The following ZMYM4 variants were observed in gnomAD, a reference collection of about 807,000 sequenced individuals.
The protein encoded by ZMYM4 is zinc finger MYM-type containing 4.
In ZMYM4, 31 loss-of-function variants were observed where a neutral mutation model predicts 183.2. The ratio of observed to expected loss-of-function variants is 0.17; its 90% CI spans 0.13 to 0.23. The LOEUF is 0.23. ZMYM4 is among the 10% of genes least tolerant of loss of function. The pLI, the probability that ZMYM4 is intolerant of heterozygous loss-of-function variation, is 1.00. For missense variants in ZMYM4, 1,273 were observed against 1,840.3 expected, an observed-to-expected ratio of 0.69 and a Z score of 5.64; for synonymous variants, 592 against 631.2, an observed-to-expected ratio of 0.94 and a Z score of 0.93.
Position 35,412,269 on chromosome 1 carries a change from G to C in ZMYM4, c.3949-1703G>C, listed in dbSNP as rs1271689894. On this transcript the variant is annotated intron_variant, in intron 26 of 29. Transcript: ENST00000314607. Reference sequence around the variant, plus strand: ...TTGCTTATATGCTGCAACTTGGCTGGATTCACTTATTAGCTCTAATAATTC... The same window carrying C: ...TTGCTTATATGCTGCAACTTGGCTGCATTCACTTATTAGCTCTAATAATTC... Among the ~76,000 whole-genome samples the C allele has an allele frequency of 2.0e-5, 3 of 152,060 alleles. No homozygotes were observed. The East Asian group carries it at 5.8e-4, about 29-fold the overall frequency.
At chr1:35,352,256 C>T (rs756602915) in intron 2 of ZMYM4, among the ~76,000 whole-genome samples, 12 of 97,678 alleles carry the variant, frequency 1.2e-4, no homozygotes, top group African/African-American at 2.2e-4. Flanking sequence ...AAAATTAGCG[C>T]GCACGCGCGC....
chr1:35,334,018 A>G (rs996121867), intron 2 of ZMYM4, among the ~76,000 whole-genome samples: 5 of 151,218 alleles, frequency 3.3e-5, no homozygotes, highest in Non-Finnish European at 7.4e-5. Flanking sequence ...GATTCCAAAG[A>G]GTAAGGATTC....
intron 18 of ZMYM4, among the ~76,000 whole-genome samples, chr1:35,395,645 C>T (rs935413328): frequency 6.6e-6 from 1 of 152,128 alleles, no homozygotes; most frequent in Non-Finnish European, 1.5e-5. Context: ...GTCAGAAATG[C>T]ATTTAATATG....
At chr1:35,353,026 A>G (rs1400568458) in intron 2 of ZMYM4, among the ~76,000 whole-genome samples, 1 of 152,164 alleles carries the variant, frequency 6.6e-6, no homozygotes, top group African/African-American at 2.4e-5. Flanking sequence ...TCCCAAAACC[A>G]AATTATTCAT....
At chr1:35,286,684 G>A (rs1221882079) in intron 1 of ZMYM4, among the ~76,000 whole-genome samples, 1 of 143,754 alleles carries the variant, frequency 7.0e-6, no homozygotes, top group East Asian at 2.0e-4. Flanking sequence ...CTGAAGGCTT[G>A]ACCTCCTGGG....
intron 1 of ZMYM4, among the ~76,000 whole-genome samples, chr1:35,277,747 G>A (rs1639944125): frequency 6.6e-6 from 1 of 152,010 alleles, no homozygotes; most frequent in Non-Finnish European, 1.5e-5. Context: ...GAAAAAGCAG[G>A]ATAAATGCTT....
At position 35,282,044 on chromosome 1, in the gene ZMYM4, CCATT is replaced by C. The variant is rs1278100028; in HGVS notation, c.39+12963_39+12966del. Among the ~76,000 whole-genome samples the C allele has an allele frequency of 1.8e-4, 28 of 152,122 alleles. 1 individual carries two copies. On this transcript the variant is annotated intron_variant, in intron 1 of 29. Coordinates refer to ENST00000314607, the MANE Select transcript of ZMYM4 (RefSeq NM_005095.3). ...TTGTGTGCATATACATTTTGTTTAT[CCATT>C]CATCCATCAATAGACACCTTTTGGC...
intron 2 of ZMYM4, among the ~76,000 whole-genome samples, chr1:35,352,387 C>T (rs1176139544): frequency 1.2e-4 from 7 of 60,102 alleles, no homozygotes; most frequent in Admixed American, 1.1e-3. Context: ...AAAATTAGCG[C>T]ACACACACAC....
chr1:35,295,053 G>T (rs1035567858), intron 1 of ZMYM4, among the ~76,000 whole-genome samples: 1 of 152,194 alleles, frequency 6.6e-6, no homozygotes, highest in African/African-American at 2.4e-5. Context: ...TAGGTACGGA[G>T]GATACAGTAA....
intron 1 of ZMYM4, among the ~76,000 whole-genome samples, chr1:35,314,258 T>C (rs535288454): frequency 1.3e-4 from 20 of 152,198 alleles, no homozygotes; most frequent in African/African-American, 4.6e-4. Flanking sequence ...CTATAGTTTA[T>C]TTTTCTTTTC....
intron 3 of ZMYM4, among the ~76,000 whole-genome samples, chr1:35,360,922 G>A (rs1238924698): frequency 1.3e-5 from 2 of 150,446 alleles, no homozygotes; most frequent in African/African-American, 4.9e-5. Context: ...ACAAATGCAA[G>A]CAATTTTCAG....
At chr1:35,339,187 A>G (rs1033084890) in intron 2 of ZMYM4, among the ~76,000 whole-genome samples, 1 of 152,056 alleles carries the variant, frequency 6.6e-6, no homozygotes, top group Admixed American at 6.6e-5. Context: ...TCTTGTCATT[A>G]TTCCCTAAAC....
intron 5 of ZMYM4, among the ~76,000 whole-genome samples, chr1:35,368,061 G>GCCCAC (rs1644130410): frequency 1.0e-5 from 1 of 98,288 alleles, no homozygotes; most frequent in Non-Finnish European, 2.0e-5. Context: ...CAAATCCAGC[G>GCCCAC]CCCCCCCCCC....
At chr1:35,321,098 C>CA (rs1382438382) in intron 1 of ZMYM4, among the ~76,000 whole-genome samples, 1 of 152,164 alleles carries the variant, frequency 6.6e-6, no homozygotes, top group Non-Finnish European at 1.5e-5. Context: ...GGTTGGTCTA[C>CA]AAAAAGAATG....
In ZMYM4 at chr1:35,392,241, G is replaced by T. The variant is rs1644722216; in HGVS notation, c.2617G>T (p.Ala873Ser). The change falls in exon 16 of 30, where the codon GCA (alanine) becomes TCA (serine). Residue 873 changes from alanine (A) to serine (S), a missense_variant. Transcript: ENST00000314607. ...TATTTCCATGGTTCAAGCTGCTTCA[G>T]CAGGACCCCCATCTCTGAGAAAAGA... ...ANISMVQAASAGPPSLRKDST... is the reference protein window; with the variant it reads ...ANISMVQAASSGPPSLRKDST... The T allele has an allele frequency of 6.2e-7, 1 of 1,614,132 alleles. No individual in the cohort carries two copies. The highest frequency in any genetic ancestry group is 1.7e-5 in the Admixed American group (1 of 60,012).
chr1:35,405,332 ATTT>A (rs1644983206), intron 24 of ZMYM4, 38 bp from the exon 25 acceptor site: 15 of 1,581,502 alleles, frequency 9.5e-6, no homozygotes, highest in African/African-American at 1.4e-5. Flanking sequence ...CCGCACTTTT[ATTT>A]TATTTAAACT....
At chr1:35,273,341 A>G (rs1639711981) in intron 1 of ZMYM4, among the ~76,000 whole-genome samples, 1 of 152,130 alleles carries the variant, frequency 6.6e-6, no homozygotes. Flanking sequence ...AGATGATAAA[A>G]TTTTTGTTTT....
intron 28 of ZMYM4, 124 bp downstream of exon 28, chr1:35,415,838 A>T (rs1171986135): frequency 2.3e-6 from 3 of 1,292,588 alleles, no homozygotes; most frequent in Non-Finnish European, 3.1e-6. Flanking sequence ...ACATTTGAAT[A>T]TTTTTCTCTA....
At chr1:35,320,726 A>T (rs1448711170) in intron 1 of ZMYM4, among the ~76,000 whole-genome samples, 1 of 152,214 alleles carries the variant, frequency 6.6e-6, no homozygotes, top group African/African-American at 2.4e-5. Context: ...GAATTATAGG[A>T]CACACAGTTG....
Sources: gnomAD v4.1 joint callset for allele counts (sites outside exome capture counted in the v4.1 genomes callset) on GRCh38, gnomAD v4.1.1 for gene constraint, MANE v1.5 for transcripts, NCBI Gene and HGNC (gene_info 2026-07-23, HGNC 2026-07-21) for gene names.